Variants in TRIM29 observed in about 807,000 individuals in gnomAD.
The protein encoded by TRIM29 is tripartite motif-containing protein 29.
Under a neutral mutation model 57.3 loss-of-function variants are expected in TRIM29, and 52 were observed. The observed-to-expected ratio is 0.91, with a 90% CI of 0.73 to 1.14. The LOEUF (loss-of-function observed/expected upper bound fraction) is 1.14, where lower values mean the gene tolerates loss of function less well. TRIM29 is among the 50% of genes most tolerant of loss of function. The probability of loss-of-function intolerance (pLI) is 0.00; values close to 1 mark genes in which losing one functional copy is unlikely to be tolerated. For synonymous variants in TRIM29, 319 were observed against 316.9 expected (o/e 1.01, Z -0.07); for missense variants, 753 against 774.6 (o/e 0.97, Z 0.33).
chr11:120,130,781 C>T (rs1863706463), intron 1 of TRIM29, among the ~76,000 whole-genome samples: 1 of 152,180 alleles, frequency 6.6e-6, no homozygotes, highest in African/African-American at 2.4e-5. Context: ...TCACACCATG[C>T]TCGGAGCAGT....
At chr11:120,129,044 AG>A in intron 1 of TRIM29, 1 of 676,446 alleles carries the variant, frequency 1.5e-6, no homozygotes, top group Non-Finnish European at 2.1e-6. Flanking sequence ...GGGAAAGGGA[AG>A]GCATTCTGCA....
intron 2 of TRIM29, among the ~76,000 whole-genome samples, chr11:120,127,898 C>T (rs926584271): frequency 6.6e-6 from 1 of 152,064 alleles, no homozygotes; most frequent in African/African-American, 2.4e-5. Context: ...CTAACCAGAA[C>T]CAAACATTAT....
intron 1 of TRIM29, among the ~76,000 whole-genome samples, chr11:120,130,277 C>T (rs916188657): frequency 5.3e-5 from 8 of 152,132 alleles, no homozygotes; most frequent in African/African-American, 1.7e-4. Flanking sequence ...TGAGTGAAGT[C>T]CAAGGTCAGG....
In TRIM29 at chr11:120,123,030, G is replaced by A; in HGVS notation, c.1359C>T (p.Asn453=). The change falls in exon 5 of 9, where the codon AAC becomes AAT. Residue 453 remains asparagine, a synonymous_variant. Transcript: ENST00000341846. ...ENGGDHRYVN[N]YTNSFGGEWS... is the part of the protein sequence containing the mutation. Reference sequence around the variant, plus strand: ...ACTCACCCCCGAAGCTGTTCGTGTAGTTGTTCACATAGCGATGGTCACCAC... The same window carrying A: ...ACTCACCCCCGAAGCTGTTCGTGTAATTGTTCACATAGCGATGGTCACCAC... The A allele has an allele frequency of 1.9e-6, 3 of 1,614,126 alleles. No individual in the cohort carries two copies. The highest frequency in any genetic ancestry group is 2.5e-6 in the Non-Finnish European group (3 of 1,180,006).
intron 1 of TRIM29, among the ~76,000 whole-genome samples, chr11:120,134,160 G>A (rs1863772329): frequency 6.6e-6 from 1 of 152,200 alleles, no homozygotes; most frequent in Non-Finnish European, 1.5e-5. Context: ...ATTTGGGGTG[G>A]CACTGGAAAC....
chr11:120,138,075 G>T lies in TRIM29; in HGVS notation c.-44C>A. Reference sequence around the variant, plus strand: ...GCTGTTTCAGGCTTGCTGGGGTTCAGGATAGGTGACCTTTCTGGCAGGCGT... The same window carrying T: ...GCTGTTTCAGGCTTGCTGGGGTTCATGATAGGTGACCTTTCTGGCAGGCGT... On this transcript the variant is annotated 5_prime_UTR_variant, in exon 1 of 9. In the 5' UTR this introduces an upstream ATG that the reference lacks. Coordinates refer to ENST00000341846, the MANE Select transcript of TRIM29 (RefSeq NM_012101.4). 6.6e-7 allele frequency: 1 copy of T among 1,523,372 alleles called. No homozygotes were observed. Among genetic ancestry groups the T allele is most frequent in the South Asian group, 1.2e-5 (1 of 80,338 alleles). 94.4% of individuals were successfully genotyped at this position (1,523,372 alleles called of 1,614,324 possible).
At chr11:120,134,374 T>C (rs777398256) in intron 1 of TRIM29, among the ~76,000 whole-genome samples, 6 of 152,310 alleles carry the variant, frequency 3.9e-5, no homozygotes, top group Non-Finnish European at 8.8e-5. Context: ...ACCACTGGCC[T>C]GCGGAACGGG....
At position 120,123,070 on chromosome 11, in the gene TRIM29, G is replaced by T. The variant is rs547118507; in HGVS notation, c.1334-15C>A. On this transcript the variant is annotated splice_polypyrimidine_tract_variant and intron_variant, in intron 4 of 8. Transcript: ENST00000341846. ...ATGGTCACCACCTAGGAAGCAGAGG[G>T]TCGGGTCAGCAGAGGAGCCAGGTGG... The T allele has an allele frequency of 6.2e-6, 10 of 1,613,476 alleles. No individual in the cohort carries two copies. In the Admixed American group the frequency reaches 1.3e-4, roughly 22 times the overall value.
At chr11:120,115,744 T>G in intron 7 of TRIM29, 1 of 280,672 alleles carries the variant, frequency 3.6e-6, no homozygotes, top group Non-Finnish European at 6.8e-6. Context: ...CCCCGGAGGT[T>G]TACACCACGG....
At position 120,113,745 on chromosome 11, in the gene TRIM29, C is replaced by T. The variant is rs1863197281; in HGVS notation, c.1705-1269G>A. 6.6e-6 allele frequency: 3 copies of T among 454,394 alleles called. No homozygotes were observed. The Admixed American group carries it at 7.1e-5, about 11-fold the overall frequency. 28.1% of individuals were successfully genotyped at this position (454,394 alleles called of 1,614,324 possible). On this transcript the variant is annotated intron_variant, in intron 8 of 8. Coordinates refer to ENST00000341846, the MANE Select transcript of TRIM29 (RefSeq NM_012101.4). ...AGAGCCTGGACCAGGTCTCCTGACC[C>T]CCAGGGGCCAGCCTGGACCCCAAGC...
At chr11:120,119,147 A>G (rs949512874) in intron 6 of TRIM29, among the ~76,000 whole-genome samples, 1 of 152,220 alleles carries the variant, frequency 6.6e-6, no homozygotes, top group Non-Finnish European at 1.5e-5. Flanking sequence ...ATGTGCAGAC[A>G]TGTTCTATAG....
chr11:120,121,771 C>G (rs1319330812), intron 5 of TRIM29: 2 of 296,326 alleles, frequency 6.7e-6, no homozygotes, highest in African/African-American at 4.3e-5. Context: ...CCCTCAGTCT[C>G]CTACAGAGCA....
rs979205650 is a variant in TRIM29 at position 120,128,419 on chromosome 11, T to A, written c.881A>T (p.Lys294Met). Residue 294 changes from lysine (K) to methionine (M), a missense_variant, in exon 2 of 9, where the codon AAG (lysine) becomes ATG (methionine). Lys to Met is a moderately conservative substitution (Grantham distance 95). Coordinates refer to ENST00000341846, the MANE Select transcript of TRIM29 (RefSeq NM_012101.4). The stretch of plus-strand genomic sequence containing the variant: ...GCTCACCTTGATGCGGTCCTTCTCC[T>A]TCTGCCACTTCTCAGCTTCATCCTC... ...EIEDEAEKWQ[K>M]EKDRIKSFTT... The A allele has an allele frequency of 1.2e-6, 2 of 1,612,414 alleles. No homozygotes were observed. Among genetic ancestry groups the A allele is most frequent in the East Asian group, 4.5e-5 (2 of 44,880 alleles).
At chr11:120,117,039 T>A (rs1472674470) in intron 7 of TRIM29, 2 of 445,714 alleles carry the variant, frequency 4.5e-6, no homozygotes, top group Non-Finnish European at 4.5e-6. Flanking sequence ...GGTGAACTGA[T>A]AAGGGGTTTT....
rs1863645800 is a variant in TRIM29 at position 120,128,431 on chromosome 11, T to C, written c.869A>G (p.Glu290Gly). The change falls in exon 2 of 9, where the codon GAG becomes GGG. Residue 290 changes from glutamate to glycine, a missense_variant. By Grantham distance (98) the Glu-to-Gly change is moderately conservative. Transcript: ENST00000341846. Reference protein sequence around the residue: ...LKIIEIEDEAEKWQKEKDRIK... With the variant: ...LKIIEIEDEAGKWQKEKDRIK... ...GCGGTCCTTCTCCTTCTGCCACTTC[T>C]CAGCTTCATCCTCAATCTCAATGAT... The C allele has an allele frequency of 2.5e-6, 4 of 1,612,404 alleles. No individual in the cohort carries two copies. The South Asian group carries it at 4.4e-5, about 18-fold the overall frequency.
chr11:120,123,589 A>G, intron 4 of TRIM29: 1 of 391,068 alleles, frequency 2.6e-6, no homozygotes, highest in Non-Finnish European at 5.1e-6. Flanking sequence ...GGATCCAGGC[A>G]GTGGAGTGAG....
intron 4 of TRIM29, 126 bp downstream of exon 4, chr11:120,125,565 G>C: frequency 1.1e-6 from 1 of 943,194 alleles, no homozygotes; most frequent in Non-Finnish European, 1.6e-6. Context: ...GCCTGAGGAA[G>C]GGTGGGTGGG....
At chr11:120,132,889 C>T (rs2135027603) in intron 1 of TRIM29, among the ~76,000 whole-genome samples, 1 of 152,322 alleles carries the variant, frequency 6.6e-6, no homozygotes, top group Non-Finnish European at 1.5e-5. Context: ...TGCCTCCTCA[C>T]AGCCTCAGGT....
At chr11:120,128,957 C>T (rs1248739131) in intron 1 of TRIM29, 44 of 1,325,222 alleles carry the variant, frequency 3.3e-5, no homozygotes, top group Non-Finnish European at 4.2e-5. Flanking sequence ...TGACGTAGGG[C>T]TGTGTTGCAA....
Sources: gnomAD v4.1 joint callset for allele counts (sites outside exome capture counted in the v4.1 genomes callset) on GRCh38, gnomAD v4.1.1 for gene constraint, MANE v1.5 for transcripts, NCBI Gene and HGNC (gene_info 2026-07-23, HGNC 2026-07-21) for gene names.